The following PTPRT variants were observed in gnomAD, a reference collection of about 807,000 sequenced individuals.
The protein encoded by PTPRT is protein tyrosine phosphatase receptor type T.
A neutral mutation model predicts 176.8 loss-of-function variants in PTPRT; 56 were observed. That is an observed-to-expected ratio of 0.32 (90% CI 0.26 to 0.40). The LOEUF (loss-of-function observed/expected upper bound fraction) is 0.40. PTPRT is among the 10% of genes least tolerant of loss of function. The pLI, the probability that PTPRT is intolerant of heterozygous loss-of-function variation, is 1.00. For missense variants in PTPRT, 1,540 were observed against 1,908.2 expected (o/e 0.81, Z 3.60); for synonymous variants, 783 against 739.0 (o/e 1.06, Z -0.96).
chr20:42,296,728 T>C (rs1302770117), intron 12 of PTPRT, among the ~76,000 whole-genome samples: 1 of 152,172 alleles, frequency 6.6e-6, no homozygotes, highest in African/African-American at 2.4e-5. Context: ...CTTCTATGTA[T>C]AAAAGTCACA....
chr20:42,536,602 TGAA>T (rs527364303), intron 7 of PTPRT, among the ~76,000 whole-genome samples: 48 of 152,232 alleles, frequency 3.2e-4, no homozygotes, highest in Non-Finnish European at 2.8e-4. Flanking sequence ...ATCTCTAAAA[TGAA>T]GACAGTAACA....
chr20:43,070,072 T>G (rs1225634470), intron 1 of PTPRT, among the ~76,000 whole-genome samples: 1 of 152,174 alleles, frequency 6.6e-6, no homozygotes, highest in Non-Finnish European at 1.5e-5. Context: ...ACAGATGTAT[T>G]TCAATGGCCC....
chr20:42,903,738 C>G (rs1282358806), intron 1 of PTPRT, among the ~76,000 whole-genome samples: 1 of 152,116 alleles, frequency 6.6e-6, no homozygotes, highest in Admixed American at 6.5e-5. Context: ...TAAGCTAAAG[C>G]TGAAATTATT....
chr20:42,850,157 G>C (rs2078443577), intron 2 of PTPRT, among the ~76,000 whole-genome samples: 1 of 152,158 alleles, frequency 6.6e-6, no homozygotes, highest in Non-Finnish European at 1.5e-5. Flanking sequence ...TCAGGTTTCT[G>C]AGCAGCATGA....
intron 8 of PTPRT, among the ~76,000 whole-genome samples, chr20:42,471,855 C>T (rs11086840): frequency 1.3e-3 from 193 of 152,246 alleles, no homozygotes; most frequent in African/African-American, 4.3e-3. Flanking sequence ...CAGGGTTTCA[C>T]CATGTTGCCC....
At chr20:42,896,988 G>A (rs531749428) in intron 1 of PTPRT, among the ~76,000 whole-genome samples, 11 of 152,094 alleles carry the variant, frequency 7.2e-5, no homozygotes, top group South Asian at 6.2e-4. Context: ...AGTGTGTGCC[G>A]GGGGGGTGTT....
chr20:42,043,162 C>T, the PTPRT span, among the ~76,000 whole-genome samples: 1 of 152,216 alleles, frequency 6.6e-6, no homozygotes. Flanking sequence ...ATGTACAAAA[C>T]ATATATATTT....
chr20:42,734,528 G>A (rs115770020), intron 6 of PTPRT, among the ~76,000 whole-genome samples: 147 of 152,292 alleles, frequency 9.7e-4, no homozygotes, highest in African/African-American at 3.4e-3. Context: ...GAGCATGGCA[G>A]GATCCCAGGG....
At chr20:43,165,746 T>TA (rs1388227170) in intron 1 of PTPRT, among the ~76,000 whole-genome samples, 4 of 152,106 alleles carry the variant, frequency 2.6e-5, no homozygotes, top group African/African-American at 9.7e-5. Context: ...ATGGGAGAGA[T>TA]ATGGTCTGAC....
Position 42,073,248 on chromosome 20 carries a change from A to G in PTPRT, c.*7631T>C, listed in dbSNP as rs1166214409. ...AGAAGCCAAGGCAATGGTAGAGGCCACAACTCTTTGTCTTTGATTGGCTAG... is the reference window on the plus strand; with the variant it reads ...AGAAGCCAAGGCAATGGTAGAGGCCGCAACTCTTTGTCTTTGATTGGCTAG... On this transcript the variant is annotated 3_prime_UTR_variant, in exon 31 of 31. Transcript: ENST00000373187. 5.3e-6 allele frequency: 1 copy of G among 189,546 alleles called. No homozygotes were observed. The highest frequency in any genetic ancestry group is 1.1e-5 in the Non-Finnish European group (1 of 89,986). The allele number at this position is 189,546 out of a possible 1,614,324, so 11.7% of individuals were successfully genotyped here.
chr20:42,887,558 G>T (rs1222335018), intron 1 of PTPRT, among the ~76,000 whole-genome samples: 2 of 152,186 alleles, frequency 1.3e-5, no homozygotes, highest in Admixed American at 6.5e-5. Context: ...GCCCGGCCAT[G>T]TGCTCATTAA....
chr20:42,049,008 A>G, the PTPRT span, among the ~76,000 whole-genome samples: 1 of 152,062 alleles, frequency 6.6e-6, no homozygotes, highest in South Asian at 2.1e-4. Context: ...TTTAGTAGAG[A>G]TGGGGTTTCA....
intron 1 of PTPRT, among the ~76,000 whole-genome samples, chr20:43,071,784 T>A (rs2044166846): frequency 6.6e-6 from 1 of 152,166 alleles, no homozygotes; most frequent in Non-Finnish European, 1.5e-5. Context: ...AAACTCCATC[T>A]CAAATAAAAC....
intron 9 of PTPRT, among the ~76,000 whole-genome samples, chr20:42,435,075 A>G (rs1443540568): frequency 6.6e-6 from 1 of 152,114 alleles, no homozygotes; most frequent in African/African-American, 2.4e-5. Context: ...TTGAGACCCT[A>G]TTGTGTTCCA....
At chr20:42,118,193 C>T (rs191570462) in intron 21 of PTPRT, among the ~76,000 whole-genome samples, 33 of 152,118 alleles carry the variant, frequency 2.2e-4, no homozygotes, top group Non-Finnish European at 3.2e-4. Flanking sequence ...ACATCATCAA[C>T]GGAGAGTGAG....
chr20:42,307,340 C>T (rs2057558476), intron 12 of PTPRT, among the ~76,000 whole-genome samples: 1 of 152,160 alleles, frequency 6.6e-6, no homozygotes, highest in South Asian at 2.1e-4. Flanking sequence ...TCTCTGCCTG[C>T]AACAAGCAGA....
chr20:42,534,622 C>T (rs561299211), intron 7 of PTPRT, among the ~76,000 whole-genome samples: 3 of 152,100 alleles, frequency 2.0e-5, no homozygotes, highest in Admixed American at 6.5e-5. Flanking sequence ...GGCGACAGAG[C>T]GAGACTCCAT....
intron 6 of PTPRT, among the ~76,000 whole-genome samples, chr20:42,714,408 T>C (rs1240194751): frequency 6.6e-6 from 1 of 152,208 alleles, no homozygotes; most frequent in Admixed American, 6.5e-5. Flanking sequence ...GTACAAATTC[T>C]GTGACAGGTG....
intron 9 of PTPRT, among the ~76,000 whole-genome samples, chr20:42,389,972 G>A (rs1174681351): frequency 6.6e-6 from 1 of 151,992 alleles, no homozygotes; most frequent in Non-Finnish European, 1.5e-5. Flanking sequence ...GCGCTAAACT[G>A]TGACCTAATA....
Sources: gnomAD v4.1 joint callset for allele counts (sites outside exome capture counted in the v4.1 genomes callset) on GRCh38, gnomAD v4.1.1 for gene constraint, MANE v1.5 for transcripts, NCBI Gene and HGNC (gene_info 2026-07-23, HGNC 2026-07-21) for gene names.